The following RBMS3 variants were observed in gnomAD, a reference collection of about 807,000 sequenced individuals.
RBMS3 encodes RNA-binding motif, single-stranded-interacting protein 3.
Under a neutral mutation model 66.8 loss-of-function variants are expected in RBMS3, and 27 were observed. The observed-to-expected ratio is 0.40, with a 90% CI of 0.30 to 0.56. RBMS3 has a LOEUF of 0.56. Among genes scored for constraint, RBMS3 ranks in the 20% least tolerant of loss-of-function variants. The probability of loss-of-function intolerance (pLI) is 0.40; values close to 1 mark genes in which losing one functional copy is unlikely to be tolerated. For synonymous variants in RBMS3, 188 were observed against 183.0 expected, an observed-to-expected ratio of 1.03 and a Z score of -0.22; for missense variants, 513 against 549.5, an observed-to-expected ratio of 0.93 and a Z score of 0.66.
intron 1 of RBMS3, among the ~76,000 whole-genome samples, chr3:29,297,808 A>T (rs533417075): frequency 1.3e-5 from 2 of 151,986 alleles, no homozygotes; most frequent in East Asian, 3.9e-4. Context: ...CAGCCAGCTT[A>T]CAGAGTGCCA....
At chr3:29,948,867 T>C (rs1436466684) in intron 12 of RBMS3, among the ~76,000 whole-genome samples, 1 of 151,696 alleles carries the variant, frequency 6.6e-6, no homozygotes, top group Non-Finnish European at 1.5e-5. Flanking sequence ...TAAGGGTAGG[T>C]CCATTTCTTG....
At position 29,837,643 on chromosome 3, in the gene RBMS3, G is replaced by T. The variant is rs184103436; in HGVS notation, c.638-31215G>T. On this transcript the variant is annotated intron_variant, in intron 6 of 14. Transcript: ENST00000383767. ...GATCAAATTAGCAGATATATATAAT[G>T]AACATATATATATAATGAACATATA... Among the ~76,000 whole-genome samples the T allele has an allele frequency of 1.9e-3, 159 of 83,760 alleles. 3 individuals are homozygous for T. Among genetic ancestry groups the T allele is most frequent in the African/African-American group, 7.2e-3 (155 of 21,544 alleles). 54.9% of individuals were successfully genotyped at this position (83,760 alleles called of 152,430 possible).
intron 2 of RBMS3, among the ~76,000 whole-genome samples, chr3:29,451,399 C>A (rs2042014133): frequency 6.6e-6 from 1 of 152,070 alleles, no homozygotes; most frequent in Non-Finnish European, 1.5e-5. Context: ...TCCCCCCTTT[C>A]TAGGCTTTTT....
intron 1 of RBMS3, among the ~76,000 whole-genome samples, chr3:29,339,098 T>C (rs1014115600): frequency 1.3e-5 from 2 of 152,136 alleles, no homozygotes; most frequent in African/African-American, 4.8e-5. Flanking sequence ...ACCTGTGGTA[T>C]CCCCTGACAG....
At chr3:29,604,034 A>G (rs1321333025) in intron 4 of RBMS3, among the ~76,000 whole-genome samples, 2 of 151,982 alleles carry the variant, frequency 1.3e-5, no homozygotes, top group Non-Finnish European at 2.9e-5. Flanking sequence ...GATGCTGCTA[A>G]TCATACTGCA....
chr3:29,929,001 CAATT>C (rs746207843), intron 10 of RBMS3, among the ~76,000 whole-genome samples: 21 of 152,112 alleles, frequency 1.4e-4, no homozygotes, highest in Non-Finnish European at 2.4e-4. Context: ...TTTCTCTAAA[CAATT>C]AATATTTCCA....
intron 3 of RBMS3, among the ~76,000 whole-genome samples, chr3:29,493,653 T>C (rs56293458): frequency 0.02 from 3,111 of 152,178 alleles, 116 homozygotes; most frequent in African/African-American, 0.072. Context: ...AAAATACAGC[T>C]CTTGGAAAAA....
intron 1 of RBMS3, among the ~76,000 whole-genome samples, chr3:29,323,691 TACACACACACACACACAC>T (rs10565045): frequency 6.9e-6 from 1 of 144,270 alleles, no homozygotes; most frequent in African/African-American, 2.5e-5. Flanking sequence ...CACACACACA[TACACACACACACACACAC>T]ACACACACAC....
chr3:29,428,293 C>T (rs186049277), intron 1 of RBMS3, among the ~76,000 whole-genome samples: 2 of 152,102 alleles, frequency 1.3e-5, no homozygotes, highest in African/African-American at 2.4e-5. Flanking sequence ...GGCAGTGCAA[C>T]TAGCATCTAG....
At chr3:29,434,434 T>C (rs919017116) in intron 1 of RBMS3, among the ~76,000 whole-genome samples, 4 of 152,278 alleles carry the variant, frequency 2.6e-5, no homozygotes, top group Admixed American at 2.6e-4. Flanking sequence ...GAAGAAGATA[T>C]GCTACTTTAC....
intron 10 of RBMS3, among the ~76,000 whole-genome samples, chr3:29,903,594 C>T (rs2060305643): frequency 1.3e-5 from 2 of 151,960 alleles, no homozygotes; most frequent in Admixed American, 6.6e-5. Context: ...TATTTTGTTA[C>T]ATCTGTTATT....
intron 6 of RBMS3, among the ~76,000 whole-genome samples, chr3:29,778,886 A>T (rs1360671708): frequency 6.6e-6 from 1 of 151,882 alleles, no homozygotes; most frequent in East Asian, 1.9e-4. Context: ...CTTTTCTTTG[A>T]TGGAGAGGGG....
At chr3:29,376,034 T>TA in intron 1 of RBMS3, among the ~76,000 whole-genome samples, 2 of 152,090 alleles carry the variant, frequency 1.3e-5, no homozygotes, top group Non-Finnish European at 2.9e-5. Flanking sequence ...GATCATGTCC[T>TA]TTGCAGGGAC....
chr3:29,861,683 G>C (rs567505579), intron 6 of RBMS3, among the ~76,000 whole-genome samples: 1 of 152,166 alleles, frequency 6.6e-6, no homozygotes, highest in African/African-American at 2.4e-5. Flanking sequence ...CTTTGTCATT[G>C]TTTTGTTTGC....
chr3:29,962,060 AAT>A (rs2149738289), intron 12 of RBMS3, among the ~76,000 whole-genome samples: 1 of 145,526 alleles, frequency 6.9e-6, no homozygotes, highest in African/African-American at 2.5e-5. Flanking sequence ...GTGTATATAT[AAT>A]ATATTATTAT....
chr3:29,445,035 T>C (rs562366491), intron 2 of RBMS3, among the ~76,000 whole-genome samples: 4 of 151,920 alleles, frequency 2.6e-5, no homozygotes, highest in African/African-American at 9.6e-5. Context: ...GGACAATAGA[T>C]TTATTCAATT....
chr3:29,479,053 A>G (rs1347771), intron 2 of RBMS3, among the ~76,000 whole-genome samples: 15,072 of 152,206 alleles, frequency 0.099, 953 homozygotes, highest in African/African-American at 0.16. Flanking sequence ...GGCAGCATGA[A>G]ATCAAAGAAA....
At chr3:29,314,912 A>G (rs948935662) in intron 1 of RBMS3, among the ~76,000 whole-genome samples, 3 of 151,632 alleles carry the variant, frequency 2.0e-5, no homozygotes, top group Non-Finnish European at 2.9e-5. Flanking sequence ...GCATGAGATC[A>G]GTAAGAAATA....
intron 4 of RBMS3, among the ~76,000 whole-genome samples, chr3:29,707,257 T>C (rs2052944808): frequency 6.6e-6 from 1 of 152,240 alleles, no homozygotes; most frequent in African/African-American, 2.4e-5. Context: ...GTTTCTCTTT[T>C]ACAGATGATT....
Sources: gnomAD v4.1 joint callset for allele counts (sites outside exome capture counted in the v4.1 genomes callset) on GRCh38, gnomAD v4.1.1 for gene constraint, MANE v1.5 for transcripts, NCBI Gene and HGNC (gene_info 2026-07-23, HGNC 2026-07-21) for gene names.